Variants in MYEF2 observed in about 807,000 individuals in gnomAD.
The protein encoded by MYEF2 is myelin gene expression factor 2.
In MYEF2, 37 loss-of-function variants were observed where a neutral mutation model predicts 75.2. That is an observed-to-expected ratio of 0.49 (90% confidence interval 0.38 to 0.65). MYEF2 has a LOEUF of 0.65. MYEF2 is among the 30% of genes least tolerant of loss of function. The pLI is 0.00. For synonymous variants in MYEF2, 195 were observed against 241.6 expected, an observed-to-expected ratio of 0.81 and a Z score of 1.79; for missense variants, 634 against 771.4, an observed-to-expected ratio of 0.82 and a Z score of 2.11.
At chr15:48,175,460 T>A (rs1309211980) in intron 1 of MYEF2, among the ~76,000 whole-genome samples, 2 of 152,176 alleles carry the variant, frequency 1.3e-5, no homozygotes, top group South Asian at 2.1e-4. Flanking sequence ...ATCTTAAGTA[T>A]TTTCAACACC....
chr15:48,175,551 C>T (rs546041255), intron 1 of MYEF2, among the ~76,000 whole-genome samples: 1 of 152,176 alleles, frequency 6.6e-6, no homozygotes, highest in South Asian at 2.1e-4. Context: ...TATTTGTATA[C>T]CAAACCATCA....
chr15:48,143,171 G>T, intron 16 of MYEF2, 100 bp from the exon 17 acceptor site: 1 of 635,436 alleles, frequency 1.6e-6, no homozygotes, highest in South Asian at 6.0e-5. Flanking sequence ...TAATTAATTT[G>T]ATTAAAAACA....
chr15:48,164,838 T>A (rs763164989), intron 5 of MYEF2, among the ~76,000 whole-genome samples: 1 of 152,204 alleles, frequency 6.6e-6, no homozygotes, highest in Non-Finnish European at 1.5e-5. Context: ...ATGTATATTG[T>A]GCTTTTAGAC....
chr15:48,152,111 G>T (rs772343546), intron 11 of MYEF2, 123 bp downstream of exon 11: 9 of 1,190,196 alleles, frequency 7.6e-6, no homozygotes, highest in Non-Finnish European at 1.1e-5. Context: ...ATTTCTGCTA[G>T]CAGCCTTTAG....
chr15:48,153,696 G>T, intron 10 of MYEF2, 96 bp downstream of exon 10: 1 of 928,888 alleles, frequency 1.1e-6, no homozygotes, highest in Non-Finnish European at 1.7e-6. Flanking sequence ...CTATTAATTA[G>T]AGTCCTTTAA....
At chr15:48,152,202 G>C in intron 11 of MYEF2, 32 bp downstream of exon 11, 7 of 1,564,222 alleles carry the variant, frequency 4.5e-6, no homozygotes, top group Non-Finnish European at 5.3e-6. Context: ...ATGGTGATGG[G>C]TACATACAAA....
intron 9 of MYEF2, 49 bp downstream of exon 9, chr15:48,157,944 A>G: frequency 6.2e-7 from 1 of 1,608,590 alleles, no homozygotes; most frequent in Non-Finnish European, 8.5e-7. Flanking sequence ...CACATAATAA[A>G]ACAAACCAAA....
chr15:48,152,583 A>C, intron 10 of MYEF2: 1 of 312,864 alleles, frequency 3.2e-6, no homozygotes, highest in Non-Finnish European at 5.8e-6. Flanking sequence ...TTTTTTCCAC[A>C]ATAAACACAG....
At chr15:48,163,964 A>C (rs2040045442) in intron 5 of MYEF2, among the ~76,000 whole-genome samples, 1 of 152,204 alleles carries the variant, frequency 6.6e-6, no homozygotes, top group African/African-American at 2.4e-5. Flanking sequence ...GTGCTAAAGA[A>C]GATATACAAG....
At chr15:48,159,477 T>C in intron 6 of MYEF2, 136 bp downstream of exon 6, 1 of 715,960 alleles carries the variant, frequency 1.4e-6, no homozygotes, top group Non-Finnish European at 2.3e-6. Context: ...TCAATTGATT[T>C]TGAGTTTACA....
intron 4 of MYEF2, 34 bp from the exon 5 acceptor site, chr15:48,166,060 T>C (rs755801782): frequency 2.0e-5 from 32 of 1,572,348 alleles, no homozygotes; most frequent in Non-Finnish European, 2.7e-5. Context: ...GAAATGTTTA[T>C]GTGCTAATTT....
chr15:48,168,165 A>G (rs575961466), intron 2 of MYEF2, among the ~76,000 whole-genome samples: 8 of 152,282 alleles, frequency 5.3e-5, no homozygotes, highest in African/African-American at 1.9e-4. Context: ...TTAGAACTGC[A>G]AAGACAGCAT....
At chr15:48,165,879 G>C in intron 5 of MYEF2, 54 bp downstream of exon 5, 1 of 1,298,860 alleles carries the variant, frequency 7.7e-7, no homozygotes, top group African/African-American at 1.5e-5. Flanking sequence ...GAAAATCCAA[G>C]GAAAACATGT....
intron 6 of MYEF2, 167 bp downstream of exon 6, chr15:48,159,446 G>A (rs2039845981): frequency 1.6e-6 from 1 of 612,196 alleles, no homozygotes; most frequent in Non-Finnish European, 2.8e-6. Context: ...GTGTGTGTGT[G>A]TGTATATATA....
intron 2 of MYEF2, among the ~76,000 whole-genome samples, chr15:48,167,669 TTGG>T (rs947318732): frequency 6.6e-6 from 1 of 152,130 alleles, no homozygotes; most frequent in African/African-American, 2.4e-5. Flanking sequence ...CATGATATAG[TTGG>T]TGAACAAATG....
intron 5 of MYEF2, among the ~76,000 whole-genome samples, chr15:48,163,128 G>A (rs2040008423): frequency 1.3e-5 from 2 of 152,168 alleles, no homozygotes; most frequent in Admixed American, 1.3e-4. Context: ...CACGAATGAT[G>A]AGAAAGTGAA....
intron 16 of MYEF2, among the ~76,000 whole-genome samples, chr15:48,148,546 G>C (rs753745183): frequency 7.2e-5 from 11 of 151,936 alleles, no homozygotes; most frequent in Non-Finnish European, 1.3e-4. Context: ...TTCCTGTGTT[G>C]GGTAGGAATA....
Position 48,134,796 on chromosome 15 carries a change from C to A in MYEF2, c.*8112G>T, listed in dbSNP as rs2038855860. 9.4e-7 allele frequency: 1 copy of A among 1,059,688 alleles called. No homozygotes were observed. The highest frequency in any genetic ancestry group is 2.7e-4 in the Middle Eastern group (1 of 3,732). 65.6% of individuals were successfully genotyped at this position (1,059,688 alleles called of 1,614,324 possible). ...TGCAAAAGATAACAATATTTAACTA[C>A]AAATATATAAACAATTTTAGTATTA... On this transcript the variant is annotated 3_prime_UTR_variant, in exon 17 of 17. Coordinates refer to ENST00000324324, the MANE Select transcript of MYEF2 (RefSeq NM_016132.5).
rs1258474715 is a variant in MYEF2, at chr15:48,136,894, A to G, written c.*6014T>C. On this transcript the variant is annotated 3_prime_UTR_variant, in exon 17 of 17. Transcript: ENST00000324324. ...TCGGCAATCAAGAACTGATAGTGGA[A>G]TATTTTATGAAGATTCTGGCTACTC... The G allele has an allele frequency of 2.5e-6, 4 of 1,613,866 alleles. No homozygotes were observed. Among genetic ancestry groups the G allele is most frequent in the Non-Finnish European group, 3.4e-6 (4 of 1,179,782 alleles).
Sources: gnomAD v4.1 joint callset for allele counts (sites outside exome capture counted in the v4.1 genomes callset) on GRCh38, gnomAD v4.1.1 for gene constraint, MANE v1.5 for transcripts, NCBI Gene and HGNC (gene_info 2026-07-23, HGNC 2026-07-21) for gene names.